L3MBTL4: variants seen among roughly 807,000 people sequenced by gnomAD.
L3MBTL4 encodes L3MBTL histone methyl-lysine binding protein 4, also known as lethal(3)malignant brain tumor-like protein 4.
In L3MBTL4, 70 loss-of-function variants were observed where a neutral mutation model predicts 84.5. The ratio of observed to expected loss-of-function variants is 0.83; its 90% CI spans 0.68 to 1.01. L3MBTL4 has a LOEUF of 1.01. L3MBTL4 is among the 50% of genes least tolerant of loss of function. The pLI is 0.00. For synonymous variants in L3MBTL4, 274 were observed against 259.8 expected (o/e 1.05, Z -0.52); for missense variants, 715 against 754.8 (o/e 0.95, Z 0.62).
chr18:6,088,955 C>G (rs1178798177), intron 15 of L3MBTL4, among the ~76,000 whole-genome samples: 1 of 152,120 alleles, frequency 6.6e-6, no homozygotes, highest in Non-Finnish European at 1.5e-5. Flanking sequence ...ACAAAGTGAG[C>G]TTTATTAGGC....
intron 15 of L3MBTL4, among the ~76,000 whole-genome samples, chr18:6,087,010 C>T (rs1464016310): frequency 1.3e-5 from 2 of 152,194 alleles, no homozygotes; most frequent in African/African-American, 2.4e-5. Context: ...AGTTCAAATC[C>T]TTGTCCTGAC....
chr18:6,343,676 A>G lies in L3MBTL4; in HGVS notation c.-90-31620T>C, dbSNP rs1184399176. Among the ~76,000 whole-genome samples the G allele has an allele frequency of 1.6e-4, 24 of 151,788 alleles. No homozygotes were observed. In the East Asian group the frequency reaches 2.3e-3, roughly 15 times the overall value. ...GACACCATATCAAAAAAAAAAAAAA[A>G]AAGAAGTTGTAAATCATGTCAAGTA... On this transcript the variant is annotated intron_variant, in intron 1 of 18. Coordinates refer to ENST00000317931, the MANE Select transcript of L3MBTL4 (RefSeq NM_001330559.2).
chr18:6,397,580 G>A (rs1450138741), intron 1 of L3MBTL4: 2 of 152,122 alleles, frequency 1.3e-5, no homozygotes, highest in Non-Finnish European at 2.9e-5. Flanking sequence ...TAGGCACGGT[G>A]GCTCATGCCT....
intron 11 of L3MBTL4, among the ~76,000 whole-genome samples, chr18:6,215,263 T>C (rs1216759919): frequency 1.3e-5 from 2 of 152,222 alleles, no homozygotes; most frequent in African/African-American, 4.8e-5. Context: ...AGTTCAATCC[T>C]GGAATAAATA....
intron 1 of L3MBTL4, among the ~76,000 whole-genome samples, chr18:6,329,151 C>CTTTTTTT (rs992694853): frequency 8.7e-5 from 11 of 126,550 alleles, no homozygotes; most frequent in Non-Finnish European, 1.3e-4. Context: ...TTTTTCTTTT[C>CTTTTTTT]TTTTTTTTTT....
chr18:6,091,084 T>C (rs2058440385), intron 15 of L3MBTL4, among the ~76,000 whole-genome samples: 1 of 152,170 alleles, frequency 6.6e-6, no homozygotes, highest in South Asian at 2.1e-4. Context: ...CTGTATCTAA[T>C]AGCTAGTGAT....
intron 13 of L3MBTL4, among the ~76,000 whole-genome samples, chr18:6,168,777 C>A (rs1308557041): frequency 6.6e-6 from 1 of 152,234 alleles, no homozygotes; most frequent in Admixed American, 6.5e-5. Flanking sequence ...GCAAGGACTT[C>A]ATGTCTAAAA....
At chr18:5,982,591 A>C (rs1373654915) in intron 16 of L3MBTL4, among the ~76,000 whole-genome samples, 1 of 152,222 alleles carries the variant, frequency 6.6e-6, no homozygotes, top group African/African-American at 2.4e-5. Flanking sequence ...TGCCCCGTAC[A>C]GAGTCAACGG....
Position 5,955,267 on chromosome 18 carries a change from TAGAGATCTTCC to T in L3MBTL4, c.*942_*952del, listed in dbSNP as rs2095220749. 1 of 152,238 alleles carries T rather than the reference TAGAGATCTTCC, an allele frequency of 6.6e-6. No individual in the cohort carries two copies. Among genetic ancestry groups the T allele is most frequent in the African/African-American group, 2.4e-5 (1 of 41,460 alleles). The allele number at this position is 152,238 out of a possible 1,614,324, so 9.4% of individuals were successfully genotyped here. On this transcript the variant is annotated 3_prime_UTR_variant, in exon 19 of 19. Coordinates refer to ENST00000317931, the MANE Select transcript of L3MBTL4 (RefSeq NM_001330559.2). ...AGAATAAGTACCACGCTCCCTACTT[TAGAGATCTTCC>T]CTTTGAATAGTGTGTCTCCATTTGT...
chr18:5,955,900 C>G lies in L3MBTL4; in HGVS notation c.*320G>C. 1 of 219,868 alleles carries G rather than the reference C, an allele frequency of 4.5e-6. No individual in the cohort carries two copies. Among genetic ancestry groups the G allele is most frequent in the Non-Finnish European group, 8.9e-6 (1 of 112,574 alleles). The allele number at this position is 219,868 out of a possible 1,614,324, so 13.6% of individuals were successfully genotyped here. On this transcript the variant is annotated 3_prime_UTR_variant, in exon 19 of 19. Transcript: ENST00000317931. ...ATGCTTGTAAGATGGAAAATGGTTTCTTTTCTGGTGACGGAGAAGAATAAA... is the reference window on the plus strand; with the variant it reads ...ATGCTTGTAAGATGGAAAATGGTTTGTTTTCTGGTGACGGAGAAGAATAAA...
intron 18 of L3MBTL4, among the ~76,000 whole-genome samples, chr18:5,958,067 GA>G (rs2095239241): frequency 1.4e-4 from 4 of 28,618 alleles, no homozygotes; most frequent in Middle Eastern, 0.012. Context: ...AGAAGGAGAA[GA>G]AGAAGAAGAA....
At chr18:6,241,516 G>C in intron 7 of L3MBTL4, 67 bp from the exon 8 acceptor site, 1 of 896,438 alleles carries the variant, frequency 1.1e-6, no homozygotes, top group Non-Finnish European at 1.8e-6. Flanking sequence ...AATATATTAG[G>C]TTGGTGCAAA....
At chr18:6,241,273 T>C in intron 8 of L3MBTL4, 85 bp downstream of exon 8, 1 of 806,706 alleles carries the variant, frequency 1.2e-6, no homozygotes, top group South Asian at 1.6e-5. Context: ...TCTTAAAGGA[T>C]TAAAATAAAA....
rs2059415716 is a variant in L3MBTL4 at position 6,118,208 on chromosome 18, A to ACACACACACACACACACAC, written c.1199+19985_1199+19986insGTGTGTGTGTGTGTGTGTG. 2.5e-3 allele frequency among the ~76,000 whole-genome samples: 350 copies of ACACACACACACACACACAC among 141,836 alleles called. 3 individuals carry two copies. Among genetic ancestry groups the ACACACACACACACACACAC allele is most frequent in the Middle Eastern group, 0.011 (3 of 266 alleles). 93.0% of individuals were successfully genotyped at this position (141,836 alleles called of 152,430 possible). A position where few individuals can be genotyped will look rare whatever the true frequency, so the allele number is the denominator to read the frequency against. On this transcript the variant is annotated intron_variant, in intron 14 of 18. Transcript: ENST00000317931. ...TCTCTCTGTCTCTTAAACACACACAAACACACACACACACACACACGAGCA... is the reference window on the plus strand; with the variant it reads ...TCTCTCTGTCTCTTAAACACACACAACACACACACACACACACACACACACACACACACACACACGAGCA...
intron 16 of L3MBTL4, chr18:6,017,800 AG>A (rs1301655321): frequency 2.0e-5 from 3 of 152,232 alleles, no homozygotes; most frequent in Non-Finnish European, 4.4e-5. Context: ...CTTTAGTAAA[AG>A]GTGAAAGATG....
chr18:6,380,411 G>C (rs1238692571), intron 1 of L3MBTL4, among the ~76,000 whole-genome samples: 1 of 151,824 alleles, frequency 6.6e-6, no homozygotes, highest in Non-Finnish European at 1.5e-5. Context: ...TTGATGTTAG[G>C]GTGTCAATTT....
intron 1 of L3MBTL4, among the ~76,000 whole-genome samples, chr18:6,376,246 TC>T (rs1358523878): frequency 2.0e-5 from 3 of 152,162 alleles, no homozygotes; most frequent in African/African-American, 7.2e-5. Context: ...TTGCAGGGCT[TC>T]CTGCTTCTCT....
At chr18:6,185,961 T>TATTTTTATTTATG (rs527320415) in intron 12 of L3MBTL4, among the ~76,000 whole-genome samples, 4 of 96,844 alleles carry the variant, frequency 4.1e-5, no homozygotes, top group African/African-American at 1.9e-4. Context: ...GGGCACTTTC[T>TATTTTTATTTATG]TTATTTTATT....
At chr18:6,382,347 T>G (rs180692453) in intron 1 of L3MBTL4, among the ~76,000 whole-genome samples, 1 of 152,330 alleles carries the variant, frequency 6.6e-6, no homozygotes, top group Non-Finnish European at 1.5e-5. Context: ...TTCATCAGAC[T>G]CATTCTCCAT....
Sources: gnomAD v4.1 joint callset for allele counts (sites outside exome capture counted in the v4.1 genomes callset) on GRCh38, gnomAD v4.1.1 for gene constraint, MANE v1.5 for transcripts, NCBI Gene and HGNC (gene_info 2026-07-23, HGNC 2026-07-21) for gene names.